ZNF417: variants seen among roughly 807,000 people sequenced by gnomAD.
ZNF417 encodes zinc finger protein 417.
ZNF417 carries 5 observed loss-of-function variants against 7.4 expected under a neutral mutation model. The observed-to-expected ratio is 0.68, with a 90% CI of 0.35 to 1.43. The LOEUF is 1.43. ZNF417 is among the 40% of genes most tolerant of loss of function. The pLI, the probability that ZNF417 is intolerant of heterozygous loss-of-function variation, is 0.04. For synonymous variants in ZNF417, 147 were observed against 239.1 expected, an observed-to-expected ratio of 0.61 and a Z score of 3.55; for missense variants, 437 against 697.3, an observed-to-expected ratio of 0.63 and a Z score of 4.20.
In ZNF417 at chr19:57,909,234, T is replaced by C; in HGVS notation, c.1044A>G (p.Gly348=). The change falls in exon 3 of 3, where the codon GGA becomes GGG. Residue 348 remains glycine, a synonymous_variant. Transcript: ENST00000312026. ...NLIQHQQGHT[G]ERAYHCGECG... The stretch of plus-strand genomic sequence containing the variant: ...ATTCCCCACAGTGATAAGCTCTCTC[T>C]CCAGTGTGACCTTGCTGATGTTGAA... The C allele has an allele frequency of 1.9e-6, 3 of 1,614,162 alleles. No homozygotes were observed. Among genetic ancestry groups the C allele is most frequent in the Non-Finnish European group, 2.5e-6 (3 of 1,180,010 alleles).
intron 2 of ZNF417, 147 bp downstream of exon 2, chr19:57,911,913 G>T (rs1232197834): frequency 7.3e-7 from 1 of 1,376,934 alleles, no homozygotes; most frequent in Non-Finnish European, 9.5e-7. Context: ...CTTAAGGAAA[G>T]GAAAAGGCAA....
In ZNF417 at chr19:57,909,295, T is replaced by C; in HGVS notation, c.983A>G (p.Glu328Gly). ...CTTTTGACCAAAAGATTTCCCATAT[T>C]CTCTACACTCATAAGGCCTTTCTCC... is the stretch of plus-strand genomic sequence containing the variant. ...HTGERPYECREYGKSFGQKGN... is the reference protein window; with the variant it reads ...HTGERPYECRGYGKSFGQKGN... Residue 328 changes from glutamate (E) to glycine (G), a missense_variant, in exon 3 of 3, where the codon GAA becomes GGA. Physicochemically the swap from Glu to Gly is moderately conservative, Grantham distance 98. Transcript: ENST00000312026. 2 of 1,613,962 alleles carry C rather than the reference T, an allele frequency of 1.2e-6. No homozygotes were observed. Among genetic ancestry groups the C allele is most frequent in the Non-Finnish European group, 1.7e-6 (2 of 1,179,948 alleles).
chr19:57,913,060 T>A (rs1172442143), intron 1 of ZNF417, among the ~76,000 whole-genome samples: 1 of 151,748 alleles, frequency 6.6e-6, no homozygotes, highest in Non-Finnish European at 1.5e-5. Context: ...CCCTGCCTTA[T>A]CACCTTGATA....
At position 57,909,253 on chromosome 19, in the gene ZNF417, T is replaced by C. The variant is rs747603398; in HGVS notation, c.1025A>G (p.His342Arg). ...SFGQKGNLIQHQQGHTGERAY... is the reference protein window; with the variant it reads ...SFGQKGNLIQRQQGHTGERAY... ...TCTCTCTCCAGTGTGACCTTGCTGATGTTGAATGAGGTTACCCTTTTGACC... is the reference window on the plus strand; with the variant it reads ...TCTCTCTCCAGTGTGACCTTGCTGACGTTGAATGAGGTTACCCTTTTGACC... Residue 342 changes from histidine to arginine, a missense_variant, in exon 3 of 3, where the codon CAT (histidine) becomes CGT (arginine). His to Arg is a conservative substitution (Grantham distance 29). Coordinates refer to ENST00000312026, the MANE Select transcript of ZNF417 (RefSeq NM_152475.3). 4.3e-6 allele frequency: 7 copies of C among 1,614,084 alleles called. No homozygotes were observed. The highest frequency in any genetic ancestry group is 5.9e-6 in the Non-Finnish European group (7 of 1,180,028).
Position 57,906,689 on chromosome 19 carries a change from A to T in ZNF417, c.*1861T>A. 8.2e-6 allele frequency among the ~76,000 whole-genome samples: 1 copy of T among 122,518 alleles called. No homozygotes were observed. The highest frequency in any genetic ancestry group is 2.7e-4 in the East Asian group (1 of 3,676). The allele number at this position is 122,518 out of a possible 152,430, so 80.4% of individuals were successfully genotyped here. A position where few individuals can be genotyped will look rare whatever the true frequency, so the allele number is the denominator to read the frequency against. On this transcript the variant is annotated 3_prime_UTR_variant, in exon 3 of 3. Transcript: ENST00000312026. ...GGCAAGAGAATCACTTGAACCTGGG[A>T]GGCGGAGGTTGCAGTGAGCCGAGAC...
rs752817556 is a variant in ZNF417 at position 57,909,107 on chromosome 19, G to C, written c.1171C>G (p.Gln391Glu). 1.2e-6 allele frequency: 2 copies of C among 1,613,574 alleles called. No individual in the cohort carries two copies. Among genetic ancestry groups the C allele is most frequent in the Admixed American group, 1.7e-5 (1 of 59,954 alleles). ...TGATGTTGAACGAGGTTGCCCTTTT[G>C]ACCAAAAGATTTTCCACATTCTCCA... Reference protein sequence around the residue: ...KCGECGKSFGQKGNLVQHQRG... With the variant: ...KCGECGKSFGEKGNLVQHQRG... The change falls in exon 3 of 3, where the codon CAA becomes GAA. Residue 391 changes from glutamine (Q) to glutamate (E), a missense_variant. Coordinates refer to ENST00000312026, the MANE Select transcript of ZNF417 (RefSeq NM_152475.3).
In ZNF417 at chr19:57,908,716, T is replaced by C; in HGVS notation, c.1562A>G (p.Lys521Arg). The change falls in exon 3 of 3, where the codon AAG (lysine) becomes AGG (arginine). Residue 521 changes from lysine (K) to arginine (R), a missense_variant. By Grantham distance (26) the Lys-to-Arg change is conservative. This residue lies in a region of ZNF417 where 233 missense variants were observed against 235.5 expected (regional missense o/e 0.99). Transcript: ENST00000312026. ...AAAGGATTTTCCACATTCACTGCACTTATAAGGCTTTTGTCCAGAATGAAC... is the reference window on the plus strand; with the variant it reads ...AAAGGATTTTCCACATTCACTGCACCTATAAGGCTTTTGTCCAGAATGAAC... ...KRVHSGQKPYKCSECGKSFAE... is the reference protein window; with the variant it reads ...KRVHSGQKPYRCSECGKSFAE... The C allele has an allele frequency of 6.2e-7, 1 of 1,614,150 alleles. No individual in the cohort carries two copies. Among genetic ancestry groups the C allele is most frequent in the Admixed American group, 1.7e-5 (1 of 60,018 alleles).
In ZNF417 at chr19:57,908,228, G is replaced by T; in HGVS notation, c.*322C>A. ...ACATGAAGTGGATAACCAGCTCATA[G>T]CTCTTGTGGTACTGAAAACCAAGTA... On this transcript the variant is annotated 3_prime_UTR_variant, in exon 3 of 3. Transcript: ENST00000312026. 2.5e-6 allele frequency: 1 copy of T among 404,034 alleles called. No individual in the cohort carries two copies. Among genetic ancestry groups the T allele is most frequent in the Non-Finnish European group, 4.6e-6 (1 of 219,036 alleles). 25.0% of individuals were successfully genotyped at this position (404,034 alleles called of 1,614,324 possible).
intron 2 of ZNF417, among the ~76,000 whole-genome samples, chr19:57,910,998 T>C (rs1382356711): frequency 1.3e-5 from 2 of 152,178 alleles, no homozygotes; most frequent in East Asian, 1.9e-4. Context: ...TGAGCCAAGA[T>C]TGTGCCATTG....
At chr19:57,913,614 CA>C (rs2071918792) in intron 1 of ZNF417, among the ~76,000 whole-genome samples, 1 of 152,232 alleles carries the variant, frequency 6.6e-6, no homozygotes, top group Admixed American at 6.5e-5. Context: ...TAAATAGTTA[CA>C]ACTTGGCACC....
At chr19:57,911,135 C>T (rs1177121155) in intron 2 of ZNF417, among the ~76,000 whole-genome samples, 3 of 152,242 alleles carry the variant, frequency 2.0e-5, no homozygotes, top group South Asian at 2.1e-4. Context: ...TAACATAGGG[C>T]ATACACTTCC....
intron 1 of ZNF417, among the ~76,000 whole-genome samples, chr19:57,914,828 G>T (rs554114290): frequency 6.6e-6 from 1 of 152,106 alleles, no homozygotes; most frequent in African/African-American, 2.4e-5. Context: ...GGGCATACTT[G>T]CATATAACCT....
At position 57,908,440 on chromosome 19, in the gene ZNF417, T is replaced by G. The variant is rs946039665; in HGVS notation, c.*110A>C. On this transcript the variant is annotated 3_prime_UTR_variant, in exon 3 of 3. Coordinates refer to ENST00000312026, the MANE Select transcript of ZNF417 (RefSeq NM_152475.3). ...TCTTAAGACCAAGGAGAGCAGACAT[T>G]CTGATGTTTCCCAGATTGACAGCAC... 4 of 1,579,792 alleles carry G rather than the reference T, an allele frequency of 2.5e-6. No individual in the cohort carries two copies. In the African/African-American group the frequency reaches 4.1e-5, roughly 16 times the overall value.
At chr19:57,912,322 G>T in intron 1 of ZNF417, 133 bp from the exon 2 acceptor site, 2 of 1,480,550 alleles carry the variant, frequency 1.4e-6, no homozygotes, top group Non-Finnish European at 1.8e-6. Context: ...GTCCACTAGT[G>T]CCTTTGTCTC....
chr19:57,907,561 A>C lies in ZNF417; in HGVS notation c.*989T>G, dbSNP rs1467614658. The C allele has an allele frequency of 6.5e-6, 1 of 154,824 alleles. No individual in the cohort carries two copies. The highest frequency in any genetic ancestry group is 1.5e-5 in the Non-Finnish European group (1 of 68,226). 9.6% of individuals were successfully genotyped at this position (154,824 alleles called of 1,614,324 possible). On this transcript the variant is annotated 3_prime_UTR_variant, in exon 3 of 3. Coordinates refer to ENST00000312026, the MANE Select transcript of ZNF417 (RefSeq NM_152475.3). ...GGCTCCCTGCCTCCGGGTCCCTCAG[A>C]ATGTCCCATCTCCCTGTCAGTATCA...
At chr19:57,914,774 C>T (rs1241796412) in intron 1 of ZNF417, among the ~76,000 whole-genome samples, 1 of 152,202 alleles carries the variant, frequency 6.6e-6, no homozygotes, top group Non-Finnish European at 1.5e-5. Context: ...GGTAGCAAAT[C>T]CTGGGTTAAT....
intron 1 of ZNF417, 62 bp from the exon 2 acceptor site, chr19:57,912,251 T>G: frequency 5.6e-6 from 9 of 1,605,028 alleles, no homozygotes; most frequent in Non-Finnish European, 7.7e-6. Context: ...AACCCACCTC[T>G]CCCACACACC....
At position 57,907,704 on chromosome 19, in the gene ZNF417, G is replaced by A. The variant is rs147695534; in HGVS notation, c.*846C>T. On this transcript the variant is annotated 3_prime_UTR_variant, in exon 3 of 3. Transcript: ENST00000312026. ...TACAGTGTCGACATTCATGCAAGTG[G>A]GGAAATGGGCATGTGGCCCCTGAAA... is the stretch of plus-strand genomic sequence containing the variant. The A allele has an allele frequency of 0.012, 1,863 of 154,900 alleles. 23 individuals carry two copies. The highest frequency in any genetic ancestry group is 0.018 in the Non-Finnish European group (1,248 of 68,210). The allele number at this position is 154,900 out of a possible 1,614,324, so 9.6% of individuals were successfully genotyped here.
rs970737354 is a variant in ZNF417 at position 57,907,599 on chromosome 19, ATCT to A, written c.*948_*950del. ...CCTGTCAGTATCAGTGTCCCAGATA[ATCT>A]TCTTCTGACTGGGACATTTCCCAAT... On this transcript the variant is annotated 3_prime_UTR_variant, in exon 3 of 3. Coordinates refer to ENST00000312026, the MANE Select transcript of ZNF417 (RefSeq NM_152475.3). 1.3e-5 allele frequency: 2 copies of A among 154,920 alleles called. No individual in the cohort carries two copies. The highest frequency in any genetic ancestry group is 2.0e-4 in the South Asian group (1 of 4,916). 9.6% of individuals were successfully genotyped at this position (154,920 alleles called of 1,614,324 possible). A position where few individuals can be genotyped will look rare whatever the true frequency, so the allele number is the denominator to read the frequency against.
Sources: gnomAD v4.1 joint callset for allele counts (sites outside exome capture counted in the v4.1 genomes callset) on GRCh38, gnomAD v4.1.1 for gene constraint, gnomAD v4.1.1 regional missense constraint, MANE v1.5 for transcripts, NCBI Gene and HGNC (gene_info 2026-07-23, HGNC 2026-07-21) for gene names.